The following SEMA3A variants were observed in gnomAD, a reference collection of about 807,000 sequenced individuals.
SEMA3A encodes the protein semaphorin-3A.
In SEMA3A, 29 loss-of-function variants were observed where a neutral mutation model predicts 97.9. The ratio of observed to expected loss-of-function variants is 0.30; its 90% confidence interval spans 0.22 to 0.40. The LOEUF is 0.40. Ranked by LOEUF, SEMA3A falls within the 10% of genes least tolerant of loss-of-function variation. The pLI, the probability that SEMA3A is intolerant of heterozygous loss-of-function variation, is 1.00. For synonymous variants in SEMA3A, 321 were observed against 323.7 expected, an observed-to-expected ratio of 0.99 and a Z score of 0.09; for missense variants, 763 against 951.3, an observed-to-expected ratio of 0.80 and a Z score of 2.60.
chr7:84,288,914 C>T (rs1360578226), intron 3 of SEMA3A, among the ~76,000 whole-genome samples: 1 of 152,038 alleles, frequency 6.6e-6, no homozygotes, highest in Non-Finnish European at 1.5e-5. Flanking sequence ...CACACTCCTC[C>T]CATGTTTATT....
chr7:84,228,788 C>G (rs561737870), intron 3 of SEMA3A, among the ~76,000 whole-genome samples: 1 of 152,052 alleles, frequency 6.6e-6, no homozygotes, highest in Admixed American at 6.6e-5. Context: ...ACCTTCCTGT[C>G]TGTTTTTCCA....
At position 84,261,095 on chromosome 7, in the gene SEMA3A, G is replaced by C. The variant is rs111401544; in HGVS notation, c.-83+46112C>G. Among the ~76,000 whole-genome samples, 5 of 152,250 alleles carry C rather than the reference G, an allele frequency of 3.3e-5. 1 individual carries two copies. Among genetic ancestry groups the C allele is most frequent in the African/African-American group, 1.2e-4 (5 of 41,562 alleles). On this transcript the variant is annotated intron_variant, in intron 3 of 3. Coordinates refer to the SEMA3A transcript ENST00000424555. ...ACTGTGAGAAGGAGATACCCAATCT[G>C]GGTCTCTTCAACTCATTGGGATGAC...
Position 84,007,416 on chromosome 7 carries a change from C to A in SEMA3A, c.1077G>T (p.Arg359Ser), listed in dbSNP as rs758911716. Residue 359 changes from arginine to serine, a missense_variant, in exon 10 of 17, where the codon AGG becomes AGT. This residue lies in a region of SEMA3A where 678 missense variants were observed against 881.3 expected (regional missense o/e 0.77). Coordinates refer to ENST00000265362, the MANE Select transcript of SEMA3A (RefSeq NM_006080.3). ...GCACCCATTGATAGTTGGGTCCATC[C>A]CTGTGGGCATATGGACCAAGGAACA... ...RRVFLGPYAH[R>S]DGPNYQWVPY... is the part of the protein sequence containing the mutation. 6.2e-7 allele frequency: 1 copy of A among 1,609,270 alleles called. No homozygotes were observed. The highest frequency in any genetic ancestry group is 8.5e-7 in the Non-Finnish European group (1 of 1,177,538).
At chr7:84,268,439 T>C (rs1045757224) in intron 3 of SEMA3A, among the ~76,000 whole-genome samples, 12 of 152,024 alleles carry the variant, frequency 7.9e-5, no homozygotes, top group African/African-American at 2.9e-4. Context: ...TAAAGTTCAC[T>C]TGGGCCCAGG....
At chr7:84,385,818 T>A (rs531606957) in intron 1 of SEMA3A, among the ~76,000 whole-genome samples, 1 of 152,226 alleles carries the variant, frequency 6.6e-6, no homozygotes, top group Non-Finnish European at 1.5e-5. Context: ...TTTAGGACTA[T>A]AAAACAATTA....
At chr7:84,408,171 A>G (rs1361601220) in intron 1 of SEMA3A, among the ~76,000 whole-genome samples, 1 of 152,186 alleles carries the variant, frequency 6.6e-6, no homozygotes, top group African/African-American at 2.4e-5. Context: ...TCCAGAATCT[A>G]CAATGAACTC....
chr7:84,168,005 T>C (rs1467284795), intron 1 of SEMA3A, among the ~76,000 whole-genome samples: 1 of 152,162 alleles, frequency 6.6e-6, no homozygotes, highest in Non-Finnish European at 1.5e-5. Flanking sequence ...TGTTTAATCA[T>C]ATTTACTGTT....
Position 84,376,535 on chromosome 7 carries a change from C to T in SEMA3A, c.-245-4635G>A, listed in dbSNP as rs1584274627. Among the ~76,000 whole-genome samples the T allele has an allele frequency of 4.1e-5, 4 of 96,784 alleles. 1 individual carries two copies. The highest frequency in any genetic ancestry group is 4.0e-4 in the South Asian group (1 of 2,500). The allele number at this position is 96,784 out of a possible 152,430, so 63.5% of individuals were successfully genotyped here. ...AGGAGAATGGCGTGAACCCGGGAGG[C>T]GGAGCTTGCAGTGAGCCGAGATCGC... On this transcript the variant is annotated intron_variant, in intron 1 of 3. Coordinates refer to the SEMA3A transcript ENST00000424555.
chr7:84,437,980 G>C (rs1158637297), intron 1 of SEMA3A, among the ~76,000 whole-genome samples: 2 of 151,958 alleles, frequency 1.3e-5, no homozygotes, highest in Admixed American at 6.6e-5. Context: ...CATGAAACTT[G>C]CTGGCTAAAA....
At chr7:84,079,362 T>G (rs1261525209) in intron 4 of SEMA3A, among the ~76,000 whole-genome samples, 1 of 150,778 alleles carries the variant, frequency 6.6e-6, no homozygotes, top group Non-Finnish European at 1.5e-5. Context: ...GGGATCTAAT[T>G]AAACTAAAGA....
intron 1 of SEMA3A, among the ~76,000 whole-genome samples, chr7:84,430,684 G>T (rs1804955666): frequency 6.6e-6 from 1 of 151,810 alleles, no homozygotes; most frequent in Non-Finnish European, 1.5e-5. Context: ...TGAATATTTG[G>T]GAAACAGGTT....
intron 11 of SEMA3A, among the ~76,000 whole-genome samples, chr7:84,002,982 C>CTT (rs938854317): frequency 3.3e-5 from 5 of 152,044 alleles, no homozygotes; most frequent in Admixed American, 3.3e-4. Context: ...AAATTCAAAA[C>CTT]TTTTACTCTT....
chr7:84,472,616 T>C (rs1806183588), intron 1 of SEMA3A, among the ~76,000 whole-genome samples: 1 of 152,176 alleles, frequency 6.6e-6, no homozygotes, highest in African/African-American at 2.4e-5. Flanking sequence ...AAAACACCTT[T>C]AAATATTTTA....
rs763095424 is a variant in SEMA3A at position 84,462,728 on chromosome 7, C to A, written c.-246+29732G>T. Among the ~76,000 whole-genome samples the A allele has an allele frequency of 4.6e-5, 7 of 152,020 alleles. No individual in the cohort carries two copies. The South Asian group carries it at 6.2e-4, about 14-fold the overall frequency. ...AAAGTTCACCTTTTTAGCATGTAAC[C>A]AAACTGGACCCACAGTAAAGGAGAT... On this transcript the variant is annotated intron_variant, in intron 1 of 3. Transcript: ENST00000424555.
chr7:84,466,320 C>T (rs1805996467), intron 1 of SEMA3A, among the ~76,000 whole-genome samples: 2 of 151,786 alleles, frequency 1.3e-5, no homozygotes, highest in African/African-American at 4.8e-5. Flanking sequence ...TTACAGGCGC[C>T]TGCCACCACA....
intron 4 of SEMA3A, among the ~76,000 whole-genome samples, chr7:84,095,356 T>TACACAC (rs1249705705): frequency 1.4e-4 from 15 of 105,056 alleles, no homozygotes; most frequent in African/African-American, 6.8e-4. Context: ...ATTTTTTATA[T>TACACAC]ACATATATAT....
chr7:84,079,144 TTTG>T (rs1794059947), intron 4 of SEMA3A, among the ~76,000 whole-genome samples: 5 of 152,150 alleles, frequency 3.3e-5, no homozygotes, highest in Admixed American at 3.3e-4. Context: ...AGGCATTTAA[TTTG>T]TTTTTTTAAC....
chr7:83,977,808 CTTTT>C (rs1368534487), intron 14 of SEMA3A, among the ~76,000 whole-genome samples: 1 of 109,980 alleles, frequency 9.1e-6, no homozygotes, highest in Non-Finnish European at 2.0e-5. Context: ...TTCTTTCTTT[CTTTT>C]TTTTTTTTTG....
At chr7:83,998,741 A>C (rs1490054236) in intron 12 of SEMA3A, among the ~76,000 whole-genome samples, 1 of 151,974 alleles carries the variant, frequency 6.6e-6, no homozygotes, top group African/African-American at 2.4e-5. Flanking sequence ...CTTTCCTTAC[A>C]TTCTTGTTTG....
Sources: allele counts gnomAD v4.1 joint callset (sites outside exome capture counted in the v4.1 genomes callset), GRCh38; gene constraint gnomAD v4.1.1; regional missense constraint gnomAD v4.1.1; transcripts MANE v1.5; gene names NCBI Gene and HGNC (gene_info 2026-07-23, HGNC 2026-07-21).